Variants in KTN1 observed in about 807,000 individuals in gnomAD.
KTN1 encodes the protein kinectin.
In KTN1, 130 loss-of-function variants were observed where a neutral mutation model predicts 222.5. The observed-to-expected ratio is 0.58, with a 90% CI of 0.51 to 0.68. The LOEUF (loss-of-function observed/expected upper bound fraction) is 0.68. KTN1 is among the 30% of genes least tolerant of loss of function. The pLI, the probability that KTN1 is intolerant of heterozygous loss-of-function variation, is 0.00. For missense variants in KTN1, 1,508 were observed against 1,500.4 expected, an observed-to-expected ratio of 1.01 and a Z score of -0.08; for synonymous variants, 512 against 496.3, an observed-to-expected ratio of 1.03 and a Z score of -0.42.
chr14:55,681,528 A>G (rs986091712), intron 43 of KTN1: 2 of 152,240 alleles, frequency 1.3e-5, no homozygotes, highest in African/African-American at 4.8e-5. Context: ...AGACATATGA[A>G]TCATTGATAA....
intron 5 of KTN1, among the ~76,000 whole-genome samples, chr14:55,623,077 T>G (rs2039369431): frequency 6.6e-6 from 1 of 152,240 alleles, no homozygotes; most frequent in Non-Finnish European, 1.5e-5. Context: ...TCCACTTAAA[T>G]GTCATTTTCT....
At chr14:55,626,876 C>T (rs8005562) in intron 5 of KTN1, among the ~76,000 whole-genome samples, 53,636 of 149,934 alleles carry the variant, frequency 0.36, 9,624 homozygotes, top group South Asian at 0.41. Flanking sequence ...CTTTTTTTTT[C>T]TTTTCCTTCT....
chr14:55,633,983 T>C (rs2040829879), intron 8 of KTN1, among the ~76,000 whole-genome samples: 2 of 151,980 alleles, frequency 1.3e-5, no homozygotes, highest in South Asian at 4.2e-4. Context: ...CTACTAAAAA[T>C]ACAAAAATTA....
rs775872836 is a variant in KTN1 at position 55,648,952 on chromosome 14, G to A, written c.2367+82G>A. 3.0e-5 allele frequency: 29 copies of A among 980,938 alleles called. No individual in the cohort carries two copies. In the Admixed American group the frequency reaches 3.5e-4, roughly 12 times the overall value. The allele number at this position is 980,938 out of a possible 1,614,324, so 60.8% of individuals were successfully genotyped here. Reference sequence around the variant, plus strand: ...TTGTTTTTAAATTAAAAGAAACGGGGTCTTGCTCTTTTGCCCAGGCTGGAG... The same window carrying A: ...TTGTTTTTAAATTAAAAGAAACGGGATCTTGCTCTTTTGCCCAGGCTGGAG... On this transcript the variant is annotated intron_variant, in intron 21 of 43. Transcript: ENST00000395314.
At chr14:55,609,629 A>G (rs2037254296) in intron 1 of KTN1, among the ~76,000 whole-genome samples, 3 of 152,170 alleles carry the variant, frequency 2.0e-5, no homozygotes, top group Admixed American at 2.0e-4. Flanking sequence ...CTTTCTATAC[A>G]GGTGAATTTG....
chr14:55,644,802 A>G (rs1005903550), intron 18 of KTN1, among the ~76,000 whole-genome samples: 3 of 152,186 alleles, frequency 2.0e-5, no homozygotes, highest in African/African-American at 7.2e-5. Context: ...TTAAACCAAT[A>G]AAGTATGAAG....
At chr14:55,589,658 T>TTTC (rs1566655412) in intron 1 of KTN1, among the ~76,000 whole-genome samples, 1 of 117,498 alleles carries the variant, frequency 8.5e-6, no homozygotes, top group Non-Finnish European at 1.9e-5. Flanking sequence ...TCTGATTTCT[T>TTTC]TTTTTTTTTT....
In KTN1 at chr14:55,612,247, A is replaced by G. The variant is rs768119618; in HGVS notation, c.199A>G (p.Ile67Val). ...AAAGAAAAAGAATAAAAAGAAAGAA[A>G]TCCAGAATGGAAACCTCCATGAATC... ...AEKKKNKKKE[I>V]QNGNLHESDS... Residue 67 changes from isoleucine (I) to valine (V), a missense_variant, in exon 2 of 44, where the codon ATC (isoleucine) becomes GTC (valine). Ile to Val is a conservative substitution (Grantham distance 29). Transcript: ENST00000395314. 1.3e-6 allele frequency: 2 copies of G among 1,588,826 alleles called. No homozygotes were observed. The highest frequency in any genetic ancestry group is 1.9e-5 in the Admixed American group (1 of 52,128).
intron 24 of KTN1, among the ~76,000 whole-genome samples, chr14:55,650,963 G>T (rs149956152): frequency 6.1e-4 from 93 of 152,128 alleles, no homozygotes; most frequent in African/African-American, 2.0e-3. Context: ...AAACTGCATG[G>T]ACCAAAATGT....
At chr14:55,644,216 C>A in intron 18 of KTN1, 466 of 384,354 alleles carry the variant, frequency 1.2e-3, no homozygotes, top group Middle Eastern at 2.5e-3. Context: ...TTGGTATAAT[C>A]TTAATTTCTG....
chr14:55,661,334 A>G (rs2044118380), intron 31 of KTN1, 188 bp from the exon 32 acceptor site: 8 of 473,278 alleles, frequency 1.7e-5, no homozygotes. Flanking sequence ...AACTTATATT[A>G]GAAATCATTT....
chr14:55,653,728 C>A, intron 28 of KTN1, 132 bp downstream of exon 28: 2 of 608,082 alleles, frequency 3.3e-6, no homozygotes, highest in South Asian at 2.6e-5. Flanking sequence ...TAATTCCAGA[C>A]GCAAATAGGC....
At chr14:55,676,050 G>T in intron 41 of KTN1, 132 bp downstream of exon 41, 2 of 561,286 alleles carry the variant, frequency 3.6e-6, no homozygotes, top group East Asian at 3.1e-5. Flanking sequence ...AATTTAAGCT[G>T]CTTGTTATTA....
intron 7 of KTN1, among the ~76,000 whole-genome samples, chr14:55,632,032 C>A (rs2040593367): frequency 6.6e-6 from 1 of 152,068 alleles, no homozygotes; most frequent in Non-Finnish European, 1.5e-5. Flanking sequence ...TGAAATGCCA[C>A]TAATAGCAAA....
rs34864410 is a variant in KTN1, at chr14:55,664,992, A to AT, written c.3177+965dup. ...GTTTAAGCATAAAATAGTTCTGTAA[A>AT]TTTTTTTTTTTTTTAGCAAGTATAC... On this transcript the variant is annotated intron_variant, in intron 33 of 43. Transcript: ENST00000395314. Among the ~76,000 whole-genome samples the AT allele has an allele frequency of 2.9e-3, 432 of 147,172 alleles. 4 individuals are homozygous for AT. Among genetic ancestry groups the AT allele is most frequent in the Admixed American group, 0.015 (215 of 14,688 alleles).
intron 1 of KTN1, among the ~76,000 whole-genome samples, chr14:55,585,268 C>CT (rs1425904188): frequency 2.0e-5 from 3 of 151,872 alleles, no homozygotes; most frequent in Admixed American, 2.0e-4. Context: ...GGCATGGAGC[C>CT]TTTGGGAGCT....
intron 25 of KTN1, 96 bp from the exon 26 acceptor site, chr14:55,652,754 G>A (rs945508254): frequency 2.6e-6 from 2 of 757,714 alleles, no homozygotes; most frequent in East Asian, 2.7e-5. Flanking sequence ...TGGTCTGTGA[G>A]TACTACCCAA....
intron 5 of KTN1, among the ~76,000 whole-genome samples, chr14:55,620,657 C>T (rs2039013596): frequency 6.6e-6 from 1 of 152,178 alleles, no homozygotes; most frequent in Admixed American, 6.5e-5. Flanking sequence ...TTCTTTTATC[C>T]ATGCCTAGAG....
intron 1 of KTN1, among the ~76,000 whole-genome samples, chr14:55,602,525 T>A (rs929107377): frequency 3.3e-5 from 5 of 152,138 alleles, no homozygotes; most frequent in Non-Finnish European, 7.4e-5. Flanking sequence ...GAGTGCAACT[T>A]ACAAAGAATG....
Sources: allele counts gnomAD v4.1 joint callset (sites outside exome capture counted in the v4.1 genomes callset), GRCh38; gene constraint gnomAD v4.1.1; transcripts MANE v1.5; gene names NCBI Gene and HGNC (gene_info 2026-07-23, HGNC 2026-07-21).